DRC3: variants seen among roughly 807,000 people sequenced by gnomAD.
DRC3 encodes leucine rich repeat containing 48.
In DRC3, 45 loss-of-function variants were observed where a neutral mutation model predicts 57.6. That is an observed-to-expected ratio of 0.78 (90% CI 0.62 to 1.00). DRC3 has a LOEUF of 1.00. Ranked by LOEUF, DRC3 falls within the 50% of genes least tolerant of loss-of-function variation. DRC3 has a pLI of 0.00. For missense variants in DRC3, 655 were observed against 675.2 expected, an observed-to-expected ratio of 0.97 and a Z score of 0.33; for synonymous variants, 257 against 272.3, an observed-to-expected ratio of 0.94 and a Z score of 0.55.
At position 18,009,647 on chromosome 17, in the gene DRC3, TTGATTGAAAGCCTTTGAC is replaced by T. The variant is rs931839943; in HGVS notation, c.1326+2501_1326+2518del. 5.3e-4 allele frequency among the ~76,000 whole-genome samples: 80 copies of T among 152,278 alleles called. 2 individuals are homozygous for T. Among genetic ancestry groups the T allele is most frequent in the Admixed American group, 2.5e-3 (38 of 15,292 alleles). The stretch of plus-strand genomic sequence containing the variant: ...AGGGTTGTGATTTGAACCAGGCAGT[TTGATTGAAAGCCTTTGAC>T]AAAATGTCTACTGTATAGCAAGATG... On this transcript the variant is annotated intron_variant, in intron 12 of 13. Transcript: ENST00000399187.
intron 13 of DRC3, 155 bp from the exon 14 acceptor site, chr17:18,016,403 A>G: frequency 1.3e-6 from 1 of 784,528 alleles, no homozygotes; most frequent in Non-Finnish European, 2.0e-6. Flanking sequence ...TCCTACCTCA[A>G]ATATACAGAG....
intron 12 of DRC3, 22 bp from the exon 13 acceptor site, chr17:18,016,042 T>C (rs776729046): frequency 9.3e-6 from 15 of 1,612,076 alleles, no homozygotes; most frequent in East Asian, 2.2e-5. Flanking sequence ...CACTTTCTCA[T>C]TGGATTCTTT....
At chr17:17,988,121 C>T (rs761316018) in intron 5 of DRC3, 23 bp downstream of exon 5, 3 of 1,608,186 alleles carry the variant, frequency 1.9e-6, no homozygotes, top group East Asian at 2.2e-5. Flanking sequence ...CCAGCCCGCC[C>T]TCACGCACAC....
In DRC3 at chr17:18,008,406, A is replaced by G. The variant is rs973336282; in HGVS notation, c.1326+1259A>G. Among the ~76,000 whole-genome samples the G allele has an allele frequency of 6.6e-6, 1 of 152,180 alleles. No individual in the cohort carries two copies. The highest frequency in any genetic ancestry group is 2.4e-5 in the African/African-American group (1 of 41,444). On this transcript the variant is annotated intron_variant, in intron 12 of 13. Transcript: ENST00000399187. This position sits in a 1 kb window ranked among gnomAD's most constrained non-coding sequence, Gnocchi z 4.3. ...CTGCTGATGTGACTATTCACACTAC[A>G]TGTAAGCTCAGGAGGGAGGACGGGG...
chr17:18,016,526 G>C (rs1317161138), intron 13 of DRC3, 32 bp from the exon 14 acceptor site: 1 of 1,442,508 alleles, frequency 6.9e-7, no homozygotes, highest in Non-Finnish European at 9.7e-7. Flanking sequence ...ATGATCTGAT[G>C]TAAGGAATCG....
intron 13 of DRC3, 86 bp from the exon 14 acceptor site, chr17:18,016,472 T>C: frequency 9.8e-7 from 1 of 1,019,422 alleles, no homozygotes; most frequent in Non-Finnish European, 1.5e-6. Context: ...AAAGGAACTA[T>C]TTTCCCCTTC....
intron 4 of DRC3, among the ~76,000 whole-genome samples, chr17:17,985,326 T>C (rs1388626775): frequency 6.6e-6 from 1 of 152,214 alleles, no homozygotes; most frequent in Non-Finnish European, 1.5e-5. Context: ...CCAAGGGTCA[T>C]TGGACTGATG....
chr17:17,977,452 C>A, intron 2 of DRC3, 130 bp from the exon 3 acceptor site: 1 of 1,098,190 alleles, frequency 9.1e-7, no homozygotes, highest in Non-Finnish European at 1.3e-6. Flanking sequence ...GCAGCAGACC[C>A]AGGGCTGGGC....
intron 2 of DRC3, among the ~76,000 whole-genome samples, chr17:17,976,310 A>G (rs906381899): frequency 9.9e-5 from 15 of 152,224 alleles, no homozygotes; most frequent in African/African-American, 3.6e-4. Context: ...TCAGCCTCAC[A>G]TTGTGACTGA....
At chr17:17,993,067 A>C in intron 6 of DRC3, 156 bp downstream of exon 6, 1 of 753,452 alleles carries the variant, frequency 1.3e-6, no homozygotes, top group Non-Finnish European at 2.1e-6. Context: ...TGACTCTGTC[A>C]GAGTGATTCC....
intron 4 of DRC3, among the ~76,000 whole-genome samples, chr17:17,984,337 A>C (rs1432248592): frequency 6.6e-6 from 1 of 152,220 alleles, no homozygotes; most frequent in East Asian, 1.9e-4. Flanking sequence ...CACAGAGGCT[A>C]GTGTGTATCA....
chr17:17,993,041 TC>T, intron 6 of DRC3, 130 bp downstream of exon 6: 1 of 922,766 alleles, frequency 1.1e-6, no homozygotes. Context: ...AGCTCCCTCT[TC>T]CTAATCCCTT....
intron 12 of DRC3, among the ~76,000 whole-genome samples, chr17:18,012,762 A>G (rs2044214258): frequency 6.6e-6 from 1 of 152,220 alleles, no homozygotes; most frequent in Non-Finnish European, 1.5e-5. Context: ...GGCCTGGGAA[A>G]AAATTTTATG....
chr17:18,008,587 G>A lies in DRC3; in HGVS notation c.1326+1440G>A, dbSNP rs1350387123. Reference sequence around the variant, plus strand: ...GGGGCTAAGTCTTGCAGACACACAGGACCAGCAGTCCCTGACTTCCACAGC... The same window carrying A: ...GGGGCTAAGTCTTGCAGACACACAGAACCAGCAGTCCCTGACTTCCACAGC... On this transcript the variant is annotated intron_variant, in intron 12 of 13. Transcript: ENST00000399187. This position sits in a 1 kb window ranked among gnomAD's most constrained non-coding sequence, Gnocchi z 4.3. Among the ~76,000 whole-genome samples, 1 of 152,178 alleles carries A rather than the reference G, an allele frequency of 6.6e-6. No individual in the cohort carries two copies. Among genetic ancestry groups the A allele is most frequent in the Non-Finnish European group, 1.5e-5 (1 of 68,026 alleles).
At chr17:18,012,039 G>A (rs1307373648) in intron 12 of DRC3, among the ~76,000 whole-genome samples, 1 of 152,170 alleles carries the variant, frequency 6.6e-6, no homozygotes, top group Non-Finnish European at 1.5e-5. Context: ...TGGCCGGCCA[G>A]GCTGGTCTCA....
intron 12 of DRC3, chr17:18,015,162 C>A (rs1241846002): frequency 6.6e-6 from 1 of 152,190 alleles, no homozygotes; most frequent in African/African-American, 2.4e-5. Flanking sequence ...CTGGCTTTCC[C>A]AAATGTATTT....
intron 9 of DRC3, among the ~76,000 whole-genome samples, chr17:17,998,638 A>G (rs1188736304): frequency 1.3e-5 from 2 of 152,088 alleles, no homozygotes; most frequent in Admixed American, 1.3e-4. Flanking sequence ...GCAACTTCAG[A>G]TCTGATGGAG....
At chr17:17,986,000 C>T (rs945598828) in intron 4 of DRC3, among the ~76,000 whole-genome samples, 2 of 152,126 alleles carry the variant, frequency 1.3e-5, no homozygotes, top group African/African-American at 4.8e-5. Context: ...TAACCTCTGC[C>T]TCCCAGGTTC....
chr17:17,977,673 G>A lies in DRC3; in HGVS notation c.75G>A (p.Gln25=), dbSNP rs1325773160. The A allele has an allele frequency of 8.1e-6, 13 of 1,613,812 alleles. No homozygotes were observed. The highest frequency in any genetic ancestry group is 1.0e-5 in the Non-Finnish European group (12 of 1,179,836). ...DDMLKLAVGD[Q]GPQEEAGQLA... ...TGCTCAAGCTGGCCGTCGGGGACCA[G>A]GGCCCCCAGGAGGAGGCCGGGCAGC... The change falls in exon 3 of 14, where the codon CAG becomes CAA. Residue 25 remains glutamine (Q), a synonymous_variant. Coordinates refer to ENST00000399187, the MANE Select transcript of DRC3 (RefSeq NM_031294.4).
Sources: gnomAD v4.1 joint callset for allele counts (sites outside exome capture counted in the v4.1 genomes callset) on GRCh38, gnomAD v4.1.1 for gene constraint, Gnocchi (gnomAD v3.1) non-coding constraint, MANE v1.5 for transcripts, NCBI Gene and HGNC (gene_info 2026-07-23, HGNC 2026-07-21) for gene names.